CYB5B: variants seen among roughly 807,000 people sequenced by gnomAD.
CYB5B encodes the protein cytochrome b5 type B, also known as cytochrome b5 type B (outer mitochondrial membrane).
In CYB5B, 14 loss-of-function variants were observed where a neutral mutation model predicts 21.3. The observed-to-expected ratio is 0.66, with a 90% CI of 0.43 to 1.03. CYB5B has a LOEUF of 1.03. Among genes scored for constraint, CYB5B ranks in the 50% least tolerant of loss-of-function variants. The probability of loss-of-function intolerance (pLI) is 0.00; values close to 1 mark genes in which losing one functional copy is unlikely to be tolerated. For missense variants in CYB5B, 166 were observed against 185.1 expected, an observed-to-expected ratio of 0.90 and a Z score of 0.60; for synonymous variants, 69 against 68.4, an observed-to-expected ratio of 1.01 and a Z score of -0.04.
At chr16:69,425,080 A>G (rs541676342) in intron 1 of CYB5B, among the ~76,000 whole-genome samples, 1 of 152,240 alleles carries the variant, frequency 6.6e-6, no homozygotes, top group African/African-American at 2.4e-5. Flanking sequence ...AATATCATGT[A>G]TTACTTATGT....
intron 1 of CYB5B, among the ~76,000 whole-genome samples, chr16:69,436,061 C>T (rs2014757032): frequency 2.6e-5 from 4 of 152,314 alleles, no homozygotes; most frequent in African/African-American, 7.2e-5. Flanking sequence ...GGTGAGGTGA[C>T]CTGATCAAGG....
chr16:69,456,826 C>T (rs1248961481), intron 3 of CYB5B, among the ~76,000 whole-genome samples: 1 of 152,106 alleles, frequency 6.6e-6, no homozygotes, highest in Non-Finnish European at 1.5e-5. Context: ...GTTAATAGAA[C>T]TTTTTTCATT....
At chr16:69,427,011 G>A (rs544923946) in intron 1 of CYB5B, among the ~76,000 whole-genome samples, 13 of 152,252 alleles carry the variant, frequency 8.5e-5, no homozygotes, top group Admixed American at 1.3e-4. Flanking sequence ...AGGCACAGGC[G>A]GGCAGATCAC....
At chr16:69,459,225 A>G in intron 4 of CYB5B, 104 bp downstream of exon 4, 1 of 1,404,682 alleles carries the variant, frequency 7.1e-7, no homozygotes, top group Non-Finnish European at 9.6e-7. Flanking sequence ...GCAGTTTGAC[A>G]ACTAATTCTT....
intron 3 of CYB5B, chr16:69,448,761 A>G (rs1030173648): frequency 6.6e-6 from 1 of 152,288 alleles, no homozygotes; most frequent in Non-Finnish European, 1.5e-5. Context: ...TAGGTGGTTC[A>G]TTTCCCTTAT....
At chr16:69,439,846 T>A (rs936514096) in intron 1 of CYB5B, among the ~76,000 whole-genome samples, 1 of 151,464 alleles carries the variant, frequency 6.6e-6, no homozygotes, top group African/African-American at 2.4e-5. Flanking sequence ...GGATTACAGG[T>A]GTGAGCCAAA....
chr16:69,425,739 A>G (rs536684656), intron 1 of CYB5B, among the ~76,000 whole-genome samples: 2 of 152,300 alleles, frequency 1.3e-5, no homozygotes, highest in East Asian at 1.9e-4. Flanking sequence ...TCCCAACCCC[A>G]GGCAACTAGT....
rs1360587731 is a variant in CYB5B at position 69,465,844 on chromosome 16, A to G, written c.*3324A>G. ...AAACTATCTTATTCTGTTGCCAAAT[A>G]TCACAGAAGTAATGAGGAGTTTAGT... On this transcript the variant is annotated 3_prime_UTR_variant, in exon 5 of 5. Transcript: ENST00000307892. 1 of 152,264 alleles carries G rather than the reference A, an allele frequency of 6.6e-6. No individual in the cohort carries two copies. The highest frequency in any genetic ancestry group is 1.9e-4 in the East Asian group (1 of 5,204). The allele number at this position is 152,264 out of a possible 1,614,324, so 9.4% of individuals were successfully genotyped here.
chr16:69,427,917 A>T (rs980400283), intron 1 of CYB5B, among the ~76,000 whole-genome samples: 11 of 149,476 alleles, frequency 7.4e-5, no homozygotes, highest in African/African-American at 2.5e-4. Context: ...AATCGCTTGA[A>T]CCCGGGAGGT....
rs564695695 is a variant in CYB5B, at chr16:69,428,340, A to G, written c.174+3483A>G. On this transcript the variant is annotated intron_variant, in intron 1 of 4. Coordinates refer to ENST00000307892, the MANE Select transcript of CYB5B (RefSeq NM_030579.3). ...AAATAACTAAAATATATACTACATT[A>G]GGTAGTGGTAAGTGCTAAGAAGAAA... Among the ~76,000 whole-genome samples, 191 of 152,110 alleles carry G rather than the reference A, an allele frequency of 1.3e-3. 1 individual carries two copies. Among genetic ancestry groups the G allele is most frequent in the African/African-American group, 4.5e-3 (185 of 41,512 alleles).
intron 1 of CYB5B, among the ~76,000 whole-genome samples, chr16:69,441,462 CTTTGA>C (rs369811879): frequency 3.3e-4 from 50 of 152,330 alleles, no homozygotes; most frequent in South Asian, 1.9e-3. Context: ...CCTTACTTCT[CTTTGA>C]TTTATTTCTT....
intron 3 of CYB5B, among the ~76,000 whole-genome samples, chr16:69,458,135 A>G (rs1443990555): frequency 6.6e-6 from 1 of 152,226 alleles, no homozygotes; most frequent in African/African-American, 2.4e-5. Flanking sequence ...TTGTAATAAC[A>G]GCTTTATCGT....
At chr16:69,461,618 G>A (rs2015036573) in intron 4 of CYB5B, among the ~76,000 whole-genome samples, 1 of 152,176 alleles carries the variant, frequency 6.6e-6, no homozygotes, top group South Asian at 2.1e-4. Context: ...AAACTAGTGT[G>A]CTAATAAGTT....
chr16:69,427,320 G>C (rs776602832), intron 1 of CYB5B, among the ~76,000 whole-genome samples: 144 of 152,050 alleles, frequency 9.5e-4, no homozygotes, highest in Non-Finnish European at 1.4e-3. Flanking sequence ...AATAGATGGT[G>C]AGCTTGGAGG....
chr16:69,448,281 A>G, intron 3 of CYB5B, 137 bp downstream of exon 3: 1 of 974,170 alleles, frequency 1.0e-6, no homozygotes, highest in Non-Finnish European at 1.6e-6. Flanking sequence ...TTTTTCTGGA[A>G]TTTGGACTCA....
At chr16:69,455,137 G>C (rs551686712) in intron 3 of CYB5B, among the ~76,000 whole-genome samples, 2 of 151,984 alleles carry the variant, frequency 1.3e-5, no homozygotes, top group African/African-American at 4.8e-5. Flanking sequence ...CTCATGATCC[G>C]CCTGTCTCGG....
At chr16:69,439,152 G>A (rs1461539598) in intron 1 of CYB5B, among the ~76,000 whole-genome samples, 1 of 152,194 alleles carries the variant, frequency 6.6e-6, no homozygotes, top group Non-Finnish European at 1.5e-5. Flanking sequence ...ATGGTGTGGG[G>A]TAGGGGTTCA....
intron 1 of CYB5B, among the ~76,000 whole-genome samples, chr16:69,429,771 A>C (rs1011910094): frequency 6.6e-6 from 1 of 152,166 alleles, no homozygotes; most frequent in African/African-American, 2.4e-5. Context: ...ATGAGTCTTC[A>C]AGAGTTGGGT....
intron 1 of CYB5B, among the ~76,000 whole-genome samples, chr16:69,440,043 A>T (rs896804149): frequency 7.3e-5 from 11 of 151,610 alleles, no homozygotes; most frequent in Non-Finnish European, 1.5e-4. Flanking sequence ...CAATTTTTTT[A>T]GTTTGTTTTT....
Sources: allele counts gnomAD v4.1 joint callset (sites outside exome capture counted in the v4.1 genomes callset), GRCh38; gene constraint gnomAD v4.1.1; transcripts MANE v1.5; gene names NCBI Gene and HGNC (gene_info 2026-07-23, HGNC 2026-07-21).